SMYD4: variants seen among roughly 807,000 people sequenced by gnomAD.
The protein encoded by SMYD4 is protein-lysine N-methyltransferase SMYD4.
SMYD4 carries 68 observed loss-of-function variants against 72.8 expected under a neutral mutation model. The ratio of observed to expected loss-of-function variants is 0.93; its 90% CI spans 0.77 to 1.14. The LOEUF (loss-of-function observed/expected upper bound fraction) is 1.14, where lower values mean the gene tolerates loss of function less well. SMYD4 is among the 50% of genes most tolerant of loss of function. The probability of loss-of-function intolerance (pLI) is 0.00; values close to 1 mark genes in which losing one functional copy is unlikely to be tolerated. For synonymous variants in SMYD4, 407 were observed against 388.6 expected, an observed-to-expected ratio of 1.05 and a Z score of -0.56; for missense variants, 984 against 1,003.7, an observed-to-expected ratio of 0.98 and a Z score of 0.27.
chr17:1,792,945 T>A (rs1212042303), intron 5 of SMYD4, among the ~76,000 whole-genome samples: 2 of 69,454 alleles, frequency 2.9e-5, no homozygotes, highest in African/African-American at 6.1e-5. Flanking sequence ...TATCTTGCTA[T>A]TTTTTAGACA....
Position 1,799,942 on chromosome 17 carries a change from G to A in SMYD4, c.1452C>T (p.Asp484=), listed in dbSNP as rs765794265. 16 of 1,613,994 alleles carry A rather than the reference G, an allele frequency of 9.9e-6. No homozygotes were observed. The highest frequency in any genetic ancestry group is 1.3e-5 in the Non-Finnish European group (15 of 1,179,976). ...GCATCGCCACTCCCCAAATAGTCAC[G>A]TCAGGACACAATTCAGGTGTCACTG... ...KAAVTPELCP[D]VTIWGVAMLR... Residue 484 remains aspartate (D), a synonymous_variant, in exon 5 of 11, where the codon GAC becomes GAT. Transcript: ENST00000305513.
chr17:1,782,530 A>T (rs1429168982), intron 10 of SMYD4: 1 of 152,062 alleles, frequency 6.6e-6, no homozygotes, highest in Non-Finnish European at 1.5e-5. Flanking sequence ...GTCTGGGGGT[A>T]AAATCAGCCC....
chr17:1,785,280 G>A (rs574586271), intron 7 of SMYD4, among the ~76,000 whole-genome samples: 19 of 149,220 alleles, frequency 1.3e-4, no homozygotes, highest in South Asian at 2.1e-4. Context: ...AAAATTAGCC[G>A]GGCATGGTGG....
intron 5 of SMYD4, among the ~76,000 whole-genome samples, chr17:1,789,226 A>G (rs1908874171): frequency 6.6e-6 from 1 of 151,940 alleles, no homozygotes; most frequent in Admixed American, 6.6e-5. Flanking sequence ...TGTCTCTACT[A>G]AAAACACAAA....
chr17:1,829,052 T>C (rs566922460), intron 1 of SMYD4, among the ~76,000 whole-genome samples: 2 of 152,280 alleles, frequency 1.3e-5, no homozygotes, highest in South Asian at 2.1e-4. Flanking sequence ...TAGAGTGTTA[T>C]AATTAATGTC....
At chr17:1,807,975 C>T (rs1433911207) in intron 3 of SMYD4, among the ~76,000 whole-genome samples, 2 of 152,168 alleles carry the variant, frequency 1.3e-5, no homozygotes. Context: ...ATAATAAAAC[C>T]GTAATCATCA....
chr17:1,807,665 A>G (rs1910114385), intron 3 of SMYD4, among the ~76,000 whole-genome samples: 2 of 152,190 alleles, frequency 1.3e-5, no homozygotes, highest in African/African-American at 4.8e-5. Context: ...GCCCGGCCTG[A>G]GGACGCTCTT....
chr17:1,812,201 T>C (rs1910364532), intron 2 of SMYD4, 86 bp from the exon 3 acceptor site: 9 of 1,448,464 alleles, frequency 6.2e-6, no homozygotes, highest in Non-Finnish European at 8.5e-6. Flanking sequence ...AACAAGAAAG[T>C]GGGCCCGCAA....
chr17:1,812,050 G>A lies in SMYD4; in HGVS notation c.200C>T (p.Ala67Val), dbSNP rs142335039. 518 of 1,614,084 alleles carry A rather than the reference G, an allele frequency of 3.2e-4. No individual in the cohort carries two copies. Among genetic ancestry groups the A allele is most frequent in the Non-Finnish European group, 4.3e-4 (502 of 1,180,014 alleles). Reference sequence around the variant, plus strand: ...TCCTTCTTCTCTGTAGAAAAGAGGAGCGTCCGAGTCCTTTCCCACCAAGTA... The same window carrying A: ...TCCTTCTTCTCTGTAGAAAAGAGGAACGTCCGAGTCCTTTCCCACCAAGTA... ...KGYLVGKDSD[A>V]PLFYREEGNK... Residue 67 changes from alanine (A) to valine (V), a missense_variant, in exon 3 of 11, where the codon GCT (alanine) becomes GTT (valine). By Grantham distance (64) the Ala-to-Val change is moderately conservative (BLOSUM62 0). Transcript: ENST00000305513.
intron 2 of SMYD4, among the ~76,000 whole-genome samples, chr17:1,823,123 C>A (rs1910973941): frequency 6.6e-6 from 1 of 151,136 alleles, no homozygotes; most frequent in Non-Finnish European, 1.5e-5. Flanking sequence ...GTAATCCCAG[C>A]ACTTTGGGAG....
At chr17:1,785,313 C>T (rs553802058) in intron 7 of SMYD4, among the ~76,000 whole-genome samples, 1 of 150,386 alleles carries the variant, frequency 6.6e-6, no homozygotes, top group East Asian at 2.0e-4. Context: ...GTAGTCTCAC[C>T]TACTCGGGAG....
At chr17:1,785,146 G>A (rs1255142278) in intron 7 of SMYD4, among the ~76,000 whole-genome samples, 1 of 150,250 alleles carries the variant, frequency 6.7e-6, no homozygotes, top group East Asian at 2.0e-4. Flanking sequence ...TAGAAGGCCA[G>A]GTGCGGTGGC....
In SMYD4 at chr17:1,804,678, G is replaced by T. The variant is rs1909947283; in HGVS notation, c.317C>A (p.Ser106Ter). The change falls in exon 4 of 11, where the codon TCA (serine) becomes TAA (stop). Residue 106 changes from serine to a stop codon, truncating the protein, a stop_gained. Transcript: ENST00000305513. LOFTEE classifies it high-confidence loss of function. ...TGCCGAGCGGTTAGCATGACACAGTGACATGTCCTCAGTGTTAGGCCTTGA... is the reference window on the plus strand; with the variant it reads ...TGCCGAGCGGTTAGCATGACACAGTTACATGTCCTCAGTGTTAGGCCTTGA... ...SHSRPNTEDMSLCHANRSAAL... is the reference protein window; with the variant it reads ...SHSRPNTEDM 2 of 1,613,666 alleles carry T rather than the reference G, an allele frequency of 1.2e-6. No individual in the cohort carries two copies. Among genetic ancestry groups the T allele is most frequent in the South Asian group, 2.2e-5 (2 of 91,066 alleles).
Position 1,800,314 on chromosome 17 carries a change from A to C in SMYD4, c.1080T>G (p.Phe360Leu), listed in dbSNP as rs140239450. 1.1e-4 allele frequency: 181 copies of C among 1,614,134 alleles called. No individual in the cohort carries two copies. In the African/African-American group the frequency reaches 2.0e-3, roughly 18 times the overall value. The part of the protein sequence containing the change: ...IALRLTLLVG[F>L]EDVRKIITKL... Reference sequence around the variant, plus strand: ...TCGTTATGATTTTGCGAACATCCTCAAATCCCACCAAAAGAGTCAACCTCA... The same window carrying C: ...TCGTTATGATTTTGCGAACATCCTCCAATCCCACCAAAAGAGTCAACCTCA... Residue 360 changes from phenylalanine to leucine, a missense_variant, in exon 5 of 11, where the codon TTT becomes TTG. Phe to Leu is a conservative substitution (Grantham distance 22). Coordinates refer to ENST00000305513, the MANE Select transcript of SMYD4 (RefSeq NM_052928.3).
Position 1,779,848 on chromosome 17 carries a change from A to G in SMYD4, c.*1438T>C, listed in dbSNP as rs1325634182. Reference sequence around the variant, plus strand: ...ATTCTTTTTTAATTACAATGTAACTACTAAGAGCTTCAGTTCCCACTGGAG... The same window carrying G: ...ATTCTTTTTTAATTACAATGTAACTGCTAAGAGCTTCAGTTCCCACTGGAG... On this transcript the variant is annotated 3_prime_UTR_variant, in exon 11 of 11. Transcript: ENST00000305513. 1 of 152,644 alleles carries G rather than the reference A, an allele frequency of 6.6e-6. No individual in the cohort carries two copies. Among genetic ancestry groups the G allele is most frequent in the Non-Finnish European group, 1.5e-5 (1 of 68,042 alleles). The allele number at this position is 152,644 out of a possible 1,614,324, so 9.5% of individuals were successfully genotyped here.
chr17:1,802,726 T>A (rs1909832579), intron 4 of SMYD4, among the ~76,000 whole-genome samples: 1 of 152,220 alleles, frequency 6.6e-6, no homozygotes, highest in African/African-American at 2.4e-5. Context: ...TGAATTTTTG[T>A]AGAATGTTGA....
intron 5 of SMYD4, among the ~76,000 whole-genome samples, chr17:1,789,813 ATGT>A (rs1431970158): frequency 1.3e-5 from 2 of 151,798 alleles, no homozygotes; most frequent in African/African-American, 2.4e-5. Flanking sequence ...TATAGGAATA[ATGT>A]TGTCAATTTT....
intron 5 of SMYD4, among the ~76,000 whole-genome samples, chr17:1,794,854 G>A (rs918424371): frequency 1.3e-5 from 2 of 151,980 alleles, no homozygotes; most frequent in African/African-American, 4.8e-5. Context: ...TTAGGTTAAT[G>A]CAGGAAACTC....
intron 2 of SMYD4, among the ~76,000 whole-genome samples, chr17:1,826,397 C>T (rs991461285): frequency 1.4e-5 from 2 of 147,776 alleles, no homozygotes; most frequent in Non-Finnish European, 3.0e-5. Flanking sequence ...GAGGCTGAGG[C>T]AGGAGAATCA....
Sources: allele counts gnomAD v4.1 joint callset (sites outside exome capture counted in the v4.1 genomes callset), GRCh38; gene constraint gnomAD v4.1.1; transcripts MANE v1.5; gene names NCBI Gene and HGNC (gene_info 2026-07-23, HGNC 2026-07-21).